Variants in SAMSN1 observed in about 807,000 individuals in gnomAD.
SAMSN1 encodes SAM domain-containing protein SAMSN-1.
In SAMSN1, 31 loss-of-function variants were observed where a neutral mutation model predicts 42.0. That is an observed-to-expected ratio of 0.74 (90% CI 0.55 to 1.00). SAMSN1 has a LOEUF of 1.00. SAMSN1 is among the 50% of genes least tolerant of loss of function. SAMSN1 has a pLI of 0.00. For synonymous variants in SAMSN1, 178 were observed against 151.9 expected, an observed-to-expected ratio of 1.17 and a Z score of -1.26; for missense variants, 464 against 439.4, an observed-to-expected ratio of 1.06 and a Z score of -0.50.
At chr21:14,626,327 T>G (rs1253424966) in intron 2 of SAMSN1, among the ~76,000 whole-genome samples, 8 of 152,142 alleles carry the variant, frequency 5.3e-5, no homozygotes, top group Admixed American at 3.9e-4. Context: ...GAAACTACCA[T>G]CAGAGTGAAC....
chr21:14,601,478 G>C (rs1982429671), intron 6 of SAMSN1, among the ~76,000 whole-genome samples: 1 of 152,180 alleles, frequency 6.6e-6, no homozygotes, highest in South Asian at 2.1e-4. Flanking sequence ...AGAACCTCAT[G>C]GCTGTCAGAG....
intron 3 of SAMSN1, 128 bp downstream of exon 3, chr21:14,516,764 G>T (rs572751196): frequency 1.6e-5 from 11 of 699,474 alleles, no homozygotes; most frequent in African/African-American, 1.5e-4. Flanking sequence ...CAAGTTCTGG[G>T]CATAATGACT....
chr21:14,623,852 C>A (rs1983088211), intron 2 of SAMSN1, among the ~76,000 whole-genome samples: 1 of 152,164 alleles, frequency 6.6e-6, no homozygotes, highest in Non-Finnish European at 1.5e-5. Context: ...CACACCTATT[C>A]CAAAACTGAC....
At chr21:14,643,040 A>T in exon 2 of SAMSN1, 2 of 717,288 alleles carry the variant, frequency 2.8e-6, no homozygotes, top group Non-Finnish European at 5.2e-6. Flanking sequence ...CTCTCTCCAA[A>T]GGGTGGGATA....
intron 2 of SAMSN1, among the ~76,000 whole-genome samples, chr21:14,560,620 T>C (rs1001146560): frequency 1.3e-5 from 2 of 152,224 alleles, no homozygotes; most frequent in African/African-American, 4.8e-5. Flanking sequence ...GGAAGTTTAG[T>C]AATCAACAAG....
intron 6 of SAMSN1, chr21:14,594,149 C>T: frequency 1.6e-6 from 1 of 620,462 alleles, no homozygotes; most frequent in Non-Finnish European, 2.9e-6. Context: ...AAAAAAACTC[C>T]ACAAAGCTAC....
chr21:14,554,698 CT>C (rs34880996), intron 2 of SAMSN1, among the ~76,000 whole-genome samples: 31,162 of 130,326 alleles, frequency 0.24, 3,726 homozygotes, highest in East Asian at 0.48. Flanking sequence ...TTTTCTTTTT[CT>C]TTTTTTTTTT....
intron 7 of SAMSN1, among the ~76,000 whole-genome samples, chr21:14,497,628 G>T (rs368148263): frequency 6.4e-4 from 97 of 152,264 alleles, no homozygotes; most frequent in East Asian, 4.6e-3. Context: ...ATTATTATTA[G>T]TAGTAGTATT....
intron 5 of SAMSN1, among the ~76,000 whole-genome samples, chr21:14,509,802 G>C (rs1340883361): frequency 6.6e-6 from 1 of 152,136 alleles, no homozygotes; most frequent in Non-Finnish European, 1.5e-5. Context: ...CTAACAGCCT[G>C]AACAGACTGA....
chr21:14,657,401 TTAAG>T (rs1490525725), intron 1 of SAMSN1, among the ~76,000 whole-genome samples: 3 of 151,750 alleles, frequency 2.0e-5, no homozygotes, highest in Non-Finnish European at 2.9e-5. Context: ...GCAATCCTTT[TTAAG>T]TAAGTGCTCC....
intron 3 of SAMSN1, among the ~76,000 whole-genome samples, chr21:14,516,224 C>A (rs1987910903): frequency 1.3e-5 from 2 of 152,080 alleles, no homozygotes. Context: ...GTGAAAGCAA[C>A]CCAAGTAATC....
At chr21:14,622,179 C>T (rs1284710850) in intron 2 of SAMSN1, among the ~76,000 whole-genome samples, 1 of 152,150 alleles carries the variant, frequency 6.6e-6, no homozygotes, top group African/African-American at 2.4e-5. Context: ...GGGGTAAAAA[C>T]AGCAGAAAAG....
At chr21:14,486,732 C>A (rs1012035248) in intron 7 of SAMSN1, among the ~76,000 whole-genome samples, 3 of 152,208 alleles carry the variant, frequency 2.0e-5, no homozygotes, top group Non-Finnish European at 2.9e-5. Context: ...AAGTAAAACA[C>A]CAAAATTTCC....
intron 2 of SAMSN1, among the ~76,000 whole-genome samples, chr21:14,562,710 T>C (rs544465705): frequency 6.6e-6 from 1 of 152,168 alleles, no homozygotes; most frequent in East Asian, 1.9e-4. Context: ...TTGATCTTTA[T>C]CCTAATTGGA....
chr21:14,594,918 C>T (rs2123282575), intron 6 of SAMSN1, among the ~76,000 whole-genome samples: 1 of 152,222 alleles, frequency 6.6e-6, no homozygotes, highest in East Asian at 1.9e-4. Flanking sequence ...ACAGGCTGTA[C>T]AAGAAACATA....
rs376843789 is a variant in SAMSN1, at chr21:14,512,568, C to T, written c.285G>A (p.Glu95=). Residue 95 remains glutamate, a synonymous_variant, in exon 4 of 8, where the codon GAG becomes GAA. Transcript: ENST00000400566. ...YIKALSEEKD[E]EDGENAHPYR... is the part of the protein sequence containing the mutation. ...ATGGGTGGGCATTCTCTCCATCTTC[C>T]TCATCCTTCAGAAAACATATCAGAG... The T allele has an allele frequency of 9.9e-5, 159 of 1,613,726 alleles. No individual in the cohort carries two copies. Among genetic ancestry groups the T allele is most frequent in the Non-Finnish European group, 1.3e-4 (154 of 1,179,778 alleles).
chr21:14,513,698 A>G (rs1987787167), intron 3 of SAMSN1, among the ~76,000 whole-genome samples: 1 of 152,246 alleles, frequency 6.6e-6, no homozygotes, highest in Non-Finnish European at 1.5e-5. Flanking sequence ...GACCTCTGCC[A>G]TACAGTAATA....
At chr21:14,569,131 A>T (rs114407052) in intron 2 of SAMSN1, among the ~76,000 whole-genome samples, 47,009 of 103,506 alleles carry the variant, frequency 0.45, 7,597 homozygotes, top group East Asian at 0.61. Context: ...TTTCTATTTA[A>T]AAAAAAAAAT....
chr21:14,637,125 G>A (rs1983487246), intron 2 of SAMSN1, among the ~76,000 whole-genome samples: 2 of 152,156 alleles, frequency 1.3e-5, no homozygotes, highest in Admixed American at 1.3e-4. Context: ...GCTATTGAGT[G>A]CTTAATATGT....
Sources: gnomAD v4.1 joint callset for allele counts (sites outside exome capture counted in the v4.1 genomes callset) on GRCh38, gnomAD v4.1.1 for gene constraint, MANE v1.5 for transcripts, NCBI Gene and HGNC (gene_info 2026-07-23, HGNC 2026-07-21) for gene names.